CAMK2D: variants seen among roughly 807,000 people sequenced by gnomAD.
CAMK2D encodes the protein calcium/calmodulin-dependent protein kinase type II subunit delta.
CAMK2D carries 37 observed loss-of-function variants against 84.0 expected under a neutral mutation model. The ratio of observed to expected loss-of-function variants is 0.44; its 90% CI spans 0.34 to 0.58. The LOEUF is 0.58. Ranked by LOEUF, CAMK2D falls within the 20% of genes least tolerant of loss-of-function variation. The pLI, the probability that CAMK2D is intolerant of heterozygous loss-of-function variation, is 0.02. For synonymous variants in CAMK2D, 202 were observed against 212.5 expected (o/e 0.95, Z 0.43); for missense variants, 448 against 652.5 (o/e 0.69, Z 3.41).
chr4:113,752,324 A>C (rs922922491), intron 2 of CAMK2D, among the ~76,000 whole-genome samples: 2 of 152,074 alleles, frequency 1.3e-5, no homozygotes, highest in Non-Finnish European at 2.9e-5. Flanking sequence ...ACCTATTGTA[A>C]AACAATTAAC....
At chr4:113,681,883 C>T (rs1045967925) in intron 2 of CAMK2D, among the ~76,000 whole-genome samples, 1 of 151,920 alleles carries the variant, frequency 6.6e-6, no homozygotes, top group Admixed American at 6.6e-5. Context: ...AAAAAACAGC[C>T]TTTTCCAGTT....
intron 4 of CAMK2D, among the ~76,000 whole-genome samples, chr4:113,601,749 G>A (rs995924067): frequency 4.1e-5 from 5 of 123,218 alleles, no homozygotes; most frequent in African/African-American, 1.2e-4. Flanking sequence ...CACCTAGAGT[G>A]CAGTGGCGTG....
At chr4:113,714,074 C>A (rs529917016) in intron 2 of CAMK2D, among the ~76,000 whole-genome samples, 3 of 151,918 alleles carry the variant, frequency 2.0e-5, no homozygotes, top group Non-Finnish European at 4.4e-5. Flanking sequence ...TTTTACTTTT[C>A]ATATTTAGTC....
intron 2 of CAMK2D, among the ~76,000 whole-genome samples, chr4:113,727,278 T>A (rs60840329): frequency 0.11 from 16,069 of 152,140 alleles, 1,400 homozygotes; most frequent in African/African-American, 0.24. Flanking sequence ...TAGATAAAAC[T>A]AGCTTGAAAA....
intron 4 of CAMK2D, among the ~76,000 whole-genome samples, chr4:113,578,891 T>C (rs1354072992): frequency 6.6e-6 from 1 of 152,228 alleles, no homozygotes; most frequent in African/African-American, 2.4e-5. Flanking sequence ...TCTGCTACCA[T>C]TGCTACACAA....
intron 2 of CAMK2D, among the ~76,000 whole-genome samples, chr4:113,687,927 A>G (rs2099364660): frequency 6.6e-6 from 1 of 152,362 alleles, no homozygotes; most frequent in East Asian, 1.9e-4. Flanking sequence ...TACATGAATT[A>G]TAACTAATAA....
At chr4:113,514,007 G>C (rs756438598) in intron 10 of CAMK2D, 94 bp from the exon 11 acceptor site, 24 of 580,598 alleles carry the variant, frequency 4.1e-5, no homozygotes, top group Non-Finnish European at 7.0e-5. Flanking sequence ...TTTATTAATG[G>C]TGCTGCACCT....
At chr4:113,455,854 C>A in intron 19 of CAMK2D, 33 bp from the exon 20 acceptor site, 1 of 1,349,258 alleles carries the variant, frequency 7.4e-7, no homozygotes, top group Non-Finnish European at 1.1e-6. Context: ...AGCCACCTGG[C>A]ATAAAATGAA....
chr4:113,550,683 A>G (rs557193591), intron 5 of CAMK2D, among the ~76,000 whole-genome samples: 1 of 152,344 alleles, frequency 6.6e-6, no homozygotes, highest in East Asian at 1.9e-4. Flanking sequence ...TACCTTGATT[A>G]AAAGTATTAC....
chr4:113,685,306 T>A (rs1561824800), intron 2 of CAMK2D, among the ~76,000 whole-genome samples: 1 of 151,460 alleles, frequency 6.6e-6, no homozygotes, highest in Admixed American at 6.6e-5. Context: ...TGGCGCGATC[T>A]CTGCTCACTG....
chr4:113,738,883 C>T (rs1369529521), intron 2 of CAMK2D, among the ~76,000 whole-genome samples: 1 of 151,986 alleles, frequency 6.6e-6, no homozygotes, highest in Non-Finnish European at 1.5e-5. Flanking sequence ...TACTAACTCA[C>T]TTGGAAATAT....
intron 18 of CAMK2D, 51 bp from the exon 19 acceptor site, chr4:113,457,614 C>T: frequency 6.9e-7 from 1 of 1,439,934 alleles, no homozygotes; most frequent in Non-Finnish European, 9.7e-7. Flanking sequence ...GTAAAGGAAA[C>T]TAAAACCAGT....
chr4:113,497,740 G>T (rs1279290044), intron 16 of CAMK2D, among the ~76,000 whole-genome samples: 1 of 152,164 alleles, frequency 6.6e-6, no homozygotes, highest in Non-Finnish European at 1.5e-5. Flanking sequence ...GCACTGCCTT[G>T]GTATGGGAGG....
At position 113,556,361 on chromosome 4, in the gene CAMK2D, G is replaced by A. The variant is rs536891186; in HGVS notation, c.276-4265C>T. ...CAGAGAAGGGTAAGACAAGGGGCTC[G>A]GAATACCCCAAAGGATCATGCAGAA... On this transcript the variant is annotated intron_variant, in intron 4 of 20. Transcript: ENST00000511664. Among the ~76,000 whole-genome samples, 15 of 152,200 alleles carry A rather than the reference G, an allele frequency of 9.9e-5. No homozygotes were observed. The East Asian group carries it at 2.5e-3, about 26-fold the overall frequency.
intron 16 of CAMK2D, among the ~76,000 whole-genome samples, chr4:113,493,643 G>A (rs1416237826): frequency 6.6e-6 from 1 of 151,768 alleles, no homozygotes; most frequent in Admixed American, 6.6e-5. Flanking sequence ...TTCTCGAGGA[G>A]TATCTTTGTG....
At chr4:113,728,228 T>C (rs946880973) in intron 2 of CAMK2D, among the ~76,000 whole-genome samples, 3 of 152,154 alleles carry the variant, frequency 2.0e-5, no homozygotes, top group African/African-American at 7.2e-5. Context: ...ATTCATAAAA[T>C]TGCTAAGAAC....
At chr4:113,537,646 A>G (rs1015084026) in intron 6 of CAMK2D, among the ~76,000 whole-genome samples, 5 of 152,332 alleles carry the variant, frequency 3.3e-5, no homozygotes, top group Middle Eastern at 3.4e-3. Flanking sequence ...AGACAGATGC[A>G]TAACTGTCCT....
At chr4:113,526,291 T>C (rs1391040627) in intron 8 of CAMK2D, among the ~76,000 whole-genome samples, 1 of 152,078 alleles carries the variant, frequency 6.6e-6, no homozygotes, top group Non-Finnish European at 1.5e-5. Flanking sequence ...ACAAAGGAAT[T>C]TGGCTGTTTG....
At chr4:113,588,286 C>A (rs537237298) in intron 4 of CAMK2D, among the ~76,000 whole-genome samples, 1 of 152,098 alleles carries the variant, frequency 6.6e-6, no homozygotes. Flanking sequence ...AAATAAGTAG[C>A]CAAATGTTTC....
Sources: gnomAD v4.1 joint callset for allele counts (sites outside exome capture counted in the v4.1 genomes callset) on GRCh38, gnomAD v4.1.1 for gene constraint, MANE v1.5 for transcripts, NCBI Gene and HGNC (gene_info 2026-07-23, HGNC 2026-07-21) for gene names.